EHHADH: variants seen among roughly 807,000 people sequenced by gnomAD.
The protein encoded by EHHADH is enoyl-CoA hydratase and 3-hydroxyacyl CoA dehydrogenase.
EHHADH carries 48 observed loss-of-function variants against 64.4 expected under a neutral mutation model. The observed-to-expected ratio is 0.75, with a 90% confidence interval of 0.59 to 0.95. The LOEUF is 0.95. EHHADH is among the 40% of genes least tolerant of loss of function. EHHADH has a pLI of 0.00. For missense variants in EHHADH, 854 were observed against 876.6 expected (o/e 0.97, Z 0.33); for synonymous variants, 308 against 326.7 (o/e 0.94, Z 0.62).
chr3:185,229,434 G>A lies in EHHADH; in HGVS notation c.461C>T (p.Ser154Leu). 6.6e-7 allele frequency: 1 copy of A among 1,526,300 alleles called. No homozygotes were observed. The highest frequency in any genetic ancestry group is 8.9e-7 in the Non-Finnish European group (1 of 1,128,108). The allele number at this position is 1,526,300 out of a possible 1,614,324, so 94.5% of individuals were successfully genotyped here. The part of the protein sequence containing the change: ...GVPAALDLIT[S>L]GRRILADEAL... ...TTGTTGCCAAGGTCTATACTGACCT[G>A]AGGTAATTAAGTCAAGTGCAGCAGG... Residue 154 changes from serine to leucine, a missense_variant and splice_region_variant, in exon 4 of 7, where the codon TCA (serine) becomes TTA (leucine). By Grantham distance (145) the Ser-to-Leu change is moderately radical. Coordinates refer to ENST00000231887, the MANE Select transcript of EHHADH (RefSeq NM_001966.4).
intron 6 of EHHADH, among the ~76,000 whole-genome samples, chr3:185,194,735 G>A (rs906527381): frequency 7.4e-6 from 1 of 134,838 alleles, no homozygotes; most frequent in African/African-American, 2.8e-5. Flanking sequence ...AGGAGTTTGA[G>A]GATTGCAGTG....
At chr3:185,224,135 T>C (rs1331270394) in intron 4 of EHHADH, among the ~76,000 whole-genome samples, 1 of 152,128 alleles carries the variant, frequency 6.6e-6, no homozygotes, top group Non-Finnish European at 1.5e-5. Flanking sequence ...TTTTTCCTCA[T>C]TCACATCAGT....
At chr3:185,226,953 G>A (rs1718995204) in intron 4 of EHHADH, 1 of 152,200 alleles carries the variant, frequency 6.6e-6, no homozygotes, top group Admixed American at 6.5e-5. Context: ...CTCCATGAAG[G>A]CAGAAATTTT....
rs550233979 is a variant in EHHADH, at chr3:185,213,119, C to CAAAAAAAAAAAAAAAAAAAAAA, written c.568+4995_568+5016dup. On this transcript the variant is annotated intron_variant, in intron 5 of 6. Transcript: ENST00000231887. ...TGGGTGAAGAAGCAAGACTCTGTCT[C>CAAAAAAAAAAAAAAAAAAAAAA]AAAAAAAAAAAAAAAAAAAAAAAAA... 6.0e-4 allele frequency among the ~76,000 whole-genome samples: 26 copies of CAAAAAAAAAAAAAAAAAAAAAA among 43,056 alleles called. 5 individuals are homozygous for CAAAAAAAAAAAAAAAAAAAAAA. Among genetic ancestry groups the CAAAAAAAAAAAAAAAAAAAAAA allele is most frequent in the East Asian group, 5.1e-3 (4 of 784 alleles). 28.2% of individuals were successfully genotyped at this position (43,056 alleles called of 152,430 possible). A position where few individuals can be genotyped will look rare whatever the true frequency, so the allele number is the denominator to read the frequency against.
At chr3:185,245,583 C>T (rs1327911854) in intron 2 of EHHADH, 6 of 775,212 alleles carry the variant, frequency 7.7e-6, no homozygotes, top group Non-Finnish European at 1.4e-5. Context: ...AGTTGCATGT[C>T]CTTCTGCAGG....
At chr3:185,233,899 C>T (rs1285731295) in intron 3 of EHHADH, among the ~76,000 whole-genome samples, 1 of 152,106 alleles carries the variant, frequency 6.6e-6, no homozygotes, top group Non-Finnish European at 1.5e-5. Flanking sequence ...CTGCCTCGGC[C>T]TCCCAAAGTG....
intron 2 of EHHADH, among the ~76,000 whole-genome samples, chr3:185,244,220 G>A (rs1719533450): frequency 6.6e-6 from 1 of 152,058 alleles, no homozygotes; most frequent in Admixed American, 6.6e-5. Flanking sequence ...CCACTCCATT[G>A]AGTTTGTGGG....
intron 1 of EHHADH, chr3:185,253,234 A>AT (rs1279952140): frequency 6.9e-6 from 1 of 144,024 alleles, no homozygotes; most frequent in Non-Finnish European, 1.5e-5. Flanking sequence ...GACTTTTAAC[A>AT]TTAAAAAAAA....
At chr3:185,244,581 G>A (rs754208644) in intron 2 of EHHADH, among the ~76,000 whole-genome samples, 51 of 152,142 alleles carry the variant, frequency 3.4e-4, no homozygotes, top group Non-Finnish European at 6.6e-4. Context: ...TGTGACATTT[G>A]GAAAGAAGGT....
At chr3:185,193,707 A>G (rs971286101) in intron 6 of EHHADH, among the ~76,000 whole-genome samples, 5 of 152,196 alleles carry the variant, frequency 3.3e-5, no homozygotes, top group African/African-American at 9.6e-5. Flanking sequence ...AAGCTATACA[A>G]ACTAATAAAT....
At position 185,192,560 on chromosome 3, in the gene EHHADH, G is replaced by C; in HGVS notation, c.1838C>G (p.Thr613Ser). 2 of 1,614,180 alleles carry C rather than the reference G, an allele frequency of 1.2e-6. No homozygotes were observed. The highest frequency in any genetic ancestry group is 2.2e-5 in the South Asian group (2 of 91,078). ...YRKTHHIEPR[T>S]ISQDEILERC... ...TTCAAGGATCTCATCCTGGCTAATG[G>C]TACGTGGTTCAATGTGATGGGTTTT... The change falls in exon 7 of 7, where the codon ACC becomes AGC. Residue 613 changes from threonine (T) to serine (S), a missense_variant. Transcript: ENST00000231887.
In EHHADH at chr3:185,193,210, G is replaced by C. The variant is rs768379647; in HGVS notation, c.1188C>G (p.Leu396=). 5 of 1,611,132 alleles carry C rather than the reference G, an allele frequency of 3.1e-6. No homozygotes were observed. The highest frequency in any genetic ancestry group is 4.5e-5 in the East Asian group (2 of 44,890). ...ATGCTTCTGGTTTGCACACAGCTGA[G>C]AGTTCAGCAAAGACCTGCTTCTTCA... ...MSLKKQVFAE[L]SAVCKPEAFL... The change falls in exon 7 of 7, where the codon CTC becomes CTG. Residue 396 remains leucine, a synonymous_variant. Transcript: ENST00000231887.
At chr3:185,218,070 TTTC>T in intron 5 of EHHADH, 63 bp downstream of exon 5, 2 of 1,234,110 alleles carry the variant, frequency 1.6e-6, no homozygotes, top group Non-Finnish European at 2.3e-6. Flanking sequence ...CGGCCAGGAG[TTTC>T]TTATTTAAAT....
At chr3:185,213,094 T>C (rs1220911826) in intron 5 of EHHADH, among the ~76,000 whole-genome samples, 2 of 107,950 alleles carry the variant, frequency 1.9e-5, no homozygotes, top group African/African-American at 7.8e-5. Context: ...TACTCCAGCC[T>C]GGGTGAAGAA....
intron 5 of EHHADH, among the ~76,000 whole-genome samples, chr3:185,217,608 A>AT (rs1196359387): frequency 2.0e-5 from 3 of 151,152 alleles, no homozygotes; most frequent in Non-Finnish European, 1.5e-5. Context: ...CTCTTGCCAT[A>AT]TGACGTGCCT....
chr3:185,246,252 T>C, intron 2 of EHHADH: 1 of 879,284 alleles, frequency 1.1e-6, no homozygotes, highest in Non-Finnish European at 1.8e-6. Flanking sequence ...ATCAGAAGCA[T>C]CGTTTTTCCT....
At chr3:185,210,070 G>A (rs1017824515) in intron 5 of EHHADH, among the ~76,000 whole-genome samples, 7 of 152,176 alleles carry the variant, frequency 4.6e-5, no homozygotes, top group Non-Finnish European at 1.0e-4. Context: ...AGGAAGGAGA[G>A]AACAAGAGCA....
At chr3:185,203,983 T>C (rs574143128) in intron 6 of EHHADH, among the ~76,000 whole-genome samples, 33 of 151,474 alleles carry the variant, frequency 2.2e-4, no homozygotes, top group Non-Finnish European at 3.8e-4. Context: ...CTACTAAAAA[T>C]ACAAAAATTA....
At position 185,216,784 on chromosome 3, in the gene EHHADH, C is replaced by G. The variant is rs1231851117; in HGVS notation, c.568+1352G>C. Reference sequence around the variant, plus strand: ...CACTGGGCCATTGCCTGCCACCAAGCGGGAGACCAGCACTCTGTTCTGCCT... The same window carrying G: ...CACTGGGCCATTGCCTGCCACCAAGGGGGAGACCAGCACTCTGTTCTGCCT... On this transcript the variant is annotated intron_variant, in intron 5 of 6. Transcript: ENST00000231887. This position sits in a 1 kb window ranked among gnomAD's most constrained non-coding sequence, Gnocchi z 5.3. Among the ~76,000 whole-genome samples the G allele has an allele frequency of 6.6e-6, 1 of 152,162 alleles. No individual in the cohort carries two copies. The highest frequency in any genetic ancestry group is 6.5e-5 in the Admixed American group (1 of 15,274).
Sources: allele counts gnomAD v4.1 joint callset (sites outside exome capture counted in the v4.1 genomes callset), GRCh38; gene constraint gnomAD v4.1.1; non-coding constraint Gnocchi (gnomAD v3.1); transcripts MANE v1.5; gene names NCBI Gene and HGNC (gene_info 2026-07-23, HGNC 2026-07-21).